Variants in RAB44 observed in about 807,000 individuals in gnomAD.
RAB44 encodes RAB44, member RAS oncogene family, also known as ras-related protein Rab-44.
Under a neutral mutation model 93.3 loss-of-function variants are expected in RAB44, and 67 were observed. The ratio of observed to expected loss-of-function variants is 0.72; its 90% CI spans 0.59 to 0.88. The LOEUF is 0.88. RAB44 is among the 40% of genes least tolerant of loss of function. The pLI is 0.00. For synonymous variants in RAB44, 427 were observed against 520.3 expected, an observed-to-expected ratio of 0.82 and a Z score of 2.44; for missense variants, 1,064 against 1,261.7, an observed-to-expected ratio of 0.84 and a Z score of 2.37.
Position 36,717,238 on chromosome 6 carries a change from G to T in RAB44, c.495-35G>T. ...TGCTTCTCCATCCCACCTTGTGTCTGACCCTCCCATCTCTGGCTGTCTTCC... is the reference window on the plus strand; with the variant it reads ...TGCTTCTCCATCCCACCTTGTGTCTTACCCTCCCATCTCTGGCTGTCTTCC... On this transcript the variant is annotated intron_variant, in intron 4 of 13. Coordinates refer to ENST00000612677, the MANE Select transcript of RAB44 (RefSeq NM_001257357.2). The surrounding 1 kb of genome is among the most constrained non-coding windows in gnomAD (Gnocchi z 4.1). 1.6e-6 allele frequency: 2 copies of T among 1,232,012 alleles called. No homozygotes were observed. The highest frequency in any genetic ancestry group is 8.3e-5 in the South Asian group (2 of 24,224). The allele number at this position is 1,232,012 out of a possible 1,614,324, so 76.3% of individuals were successfully genotyped here.
intron 1 of RAB44, among the ~76,000 whole-genome samples, chr6:36,703,879 C>T (rs765294475): frequency 2.6e-5 from 4 of 152,088 alleles, no homozygotes; most frequent in African/African-American, 4.8e-5. Context: ...GGTCAAAACA[C>T]GAGATAGATT....
Position 36,721,508 on chromosome 6 carries a change from G to A in RAB44, c.1374G>A (p.Glu458=), listed in dbSNP as rs899266414. 3 of 1,234,434 alleles carry A rather than the reference G, an allele frequency of 2.4e-6. No individual in the cohort carries two copies. The highest frequency in any genetic ancestry group is 4.2e-5 in the Admixed American group (1 of 23,708). 76.5% of individuals were successfully genotyped at this position (1,234,434 alleles called of 1,614,324 possible). ...CACATGAGCAGGACATTAGAGCAGA[G>A]CAGCCTGTTGAACCGCACGACCCGG... ...VDPHEQDIRA[E]QPVEPHDPDP... is the part of the protein sequence containing the mutation. The change falls in exon 9 of 14, where the codon GAG becomes GAA. Residue 458 remains glutamate (E), a synonymous_variant. Coordinates refer to ENST00000612677, the MANE Select transcript of RAB44 (RefSeq NM_001257357.2).
At chr6:36,725,993 G>A (rs1188143241) in intron 10 of RAB44, 50 bp downstream of exon 10, 2 of 1,384,012 alleles carry the variant, frequency 1.4e-6, no homozygotes, top group Non-Finnish European at 2.0e-6. Flanking sequence ...TGAGCGTAGG[G>A]GTGCAGAGGG....
At chr6:36,728,204 G>A (rs539164474) in intron 11 of RAB44, among the ~76,000 whole-genome samples, 20 of 152,294 alleles carry the variant, frequency 1.3e-4, no homozygotes, top group Admixed American at 1.0e-3. Flanking sequence ...GGGTCTGACA[G>A]GACCTACATT....
chr6:36,721,784 G>T lies in RAB44; in HGVS notation c.1650G>T (p.Gln550His). The change falls in exon 9 of 14, where the codon CAG becomes CAT. Residue 550 changes from glutamine (Q) to histidine (H), a missense_variant. By Grantham distance (24) the Gln-to-His change is conservative (BLOSUM62 0). Transcript: ENST00000612677. ...GAQPGAGAGP[Q>H]EPTQTPPTMT... ...AGCCTGGGGCTGGAGCAGGACCCCAGGAACCCACACAAACCCCTCCCACCA... is the reference window on the plus strand; with the variant it reads ...AGCCTGGGGCTGGAGCAGGACCCCATGAACCCACACAAACCCCTCCCACCA... 8.1e-7 allele frequency: 1 copy of T among 1,234,532 alleles called. No individual in the cohort carries two copies. Among genetic ancestry groups the T allele is most frequent in the Non-Finnish European group, 1.0e-6 (1 of 988,370 alleles). The allele number at this position is 1,234,532 out of a possible 1,614,324, so 76.5% of individuals were successfully genotyped here. A position where few individuals can be genotyped will look rare whatever the true frequency, so the allele number is the denominator to read the frequency against.
chr6:36,728,495 T>A (rs1477460255), intron 11 of RAB44, among the ~76,000 whole-genome samples: 1 of 151,906 alleles, frequency 6.6e-6, no homozygotes, highest in Non-Finnish European at 1.5e-5. Flanking sequence ...GGGGAGGTGT[T>A]CTTAAGGTTG....
At chr6:36,730,357 A>G (rs1376880389) in intron 12 of RAB44, among the ~76,000 whole-genome samples, 1 of 152,218 alleles carries the variant, frequency 6.6e-6, no homozygotes, top group East Asian at 1.9e-4. Flanking sequence ...TAAAAAACAT[A>G]ACTAACATTT....
chr6:36,707,563 AAG>A (rs71655046), intron 2 of RAB44, among the ~76,000 whole-genome samples: 14,317 of 152,160 alleles, frequency 0.094, 852 homozygotes, highest in South Asian at 0.19. Context: ...GATCTTGGGT[AAG>A]CTGTCTGCTT....
At position 36,728,792 on chromosome 6, in the gene RAB44, A is replaced by G. The variant is rs1397976759; in HGVS notation, c.2889A>G (p.Gln963=). The change falls in exon 12 of 14, where the codon CAA becomes CAG. Residue 963 remains glutamine (Q), a synonymous_variant. Coordinates refer to ENST00000612677, the MANE Select transcript of RAB44 (RefSeq NM_001257357.2). The part of the protein sequence containing the change: ...ERQVSVEAGQ[Q]LAQELGVYFG... ...AAGTGTCCGTGGAAGCTGGGCAGCA[A>G]CTGGCCCAGGTAAGCACTTGGGCAT... 8 of 1,550,322 alleles carry G rather than the reference A, an allele frequency of 5.2e-6. No individual in the cohort carries two copies. The Admixed American group carries it at 1.6e-4, about 30-fold the overall frequency.
Position 36,721,442 on chromosome 6 carries a change from TG to T in RAB44, c.1312del (p.Val438Ter). 1 of 1,234,310 alleles carries T rather than the reference TG, an allele frequency of 8.1e-7. No homozygotes were observed. Among genetic ancestry groups the T allele is most frequent in the Non-Finnish European group, 1.0e-6 (1 of 988,244 alleles). 76.5% of individuals were successfully genotyped at this position (1,234,310 alleles called of 1,614,324 possible). Reference protein sequence around the residue: ...DPDGAPRTPPGVTFSAKDNKG... With the variant: ...DPDGAPRTPPXVTFSAKDNKG... The stretch of plus-strand genomic sequence containing the variant: ...CAGATGGGGCTCCAAGGACCCCACC[TG>T]GGGTGACTTTCAGCGCCAAGGACAA... On this transcript the variant is annotated frameshift_variant, in exon 9 of 14. Transcript: ENST00000612677. LOFTEE classifies it high-confidence loss of function.
chr6:36,718,296 C>T (rs1439900968), intron 6 of RAB44, among the ~76,000 whole-genome samples, 178 bp downstream of exon 6: 1 of 152,210 alleles, frequency 6.6e-6, no homozygotes, highest in Non-Finnish European at 1.5e-5. Context: ...CGAGCCTGGG[C>T]CCCCTTCCCA....
At position 36,728,057 on chromosome 6, in the gene RAB44, T is replaced by C. The variant is rs9394379; in HGVS notation, c.2796+366T>C. Among the ~76,000 whole-genome samples the C allele has an allele frequency of 2.6e-5, 4 of 152,318 alleles. No individual in the cohort carries two copies. The East Asian group carries it at 7.7e-4, about 29-fold the overall frequency. On this transcript the variant is annotated intron_variant, in intron 11 of 13. Coordinates refer to ENST00000612677, the MANE Select transcript of RAB44 (RefSeq NM_001257357.2). ...TTCCCCTGCTTACTTCCTCAAAGCA[T>C]ATATACTGAAATTCTGCAGTGTGTA...
chr6:36,704,354 G>T lies in RAB44; in HGVS notation c.119G>T (p.Trp40Leu). ...GCAGTGGCCCCAGAGCCAGAGTCTT[G>T]GTCCTCTCAGGCAGCGGCAGAACTG... The part of the protein sequence containing the change: ...GAAVAPEPES[W>L]SSQAAAELQA... Residue 40 changes from tryptophan to leucine, a missense_variant, in exon 2 of 14, where the codon TGG becomes TTG. By Grantham distance (61) the Trp-to-Leu change is moderately conservative. Coordinates refer to ENST00000612677, the MANE Select transcript of RAB44 (RefSeq NM_001257357.2). The T allele has an allele frequency of 6.5e-7, 1 of 1,536,112 alleles. No individual in the cohort carries two copies. Among genetic ancestry groups the T allele is most frequent in the Non-Finnish European group, 8.7e-7 (1 of 1,146,906 alleles).
chr6:36,730,854 T>A (rs1373855821), intron 13 of RAB44, 105 bp downstream of exon 13: 10 of 496,634 alleles, frequency 2.0e-5, no homozygotes, highest in Non-Finnish European at 2.7e-5. Flanking sequence ...GAAGGCCCAT[T>A]CTGAGGAAAT....
chr6:36,724,662 AACCAACCAACCAACC>A (rs1763189259), intron 9 of RAB44, among the ~76,000 whole-genome samples: 2 of 151,314 alleles, frequency 1.3e-5, no homozygotes, highest in Non-Finnish European at 2.9e-5. Flanking sequence ...TCAACCAACC[AACCAACCAACCAACC>A]AACCAACCAA....
In RAB44 at chr6:36,727,606, G is replaced by A. The variant is rs771415718; in HGVS notation, c.2711G>A (p.Arg904His). Reference sequence around the variant, plus strand: ...CACAGTATGACGCGACAGCTGCTCCGCAAGGCTGACGGGGTGGTGCTCATG... The same window carrying A: ...CACAGTATGACGCGACAGCTGCTCCACAAGGCTGACGGGGTGGTGCTCATG... Reference protein sequence around the residue: ...RYHSMTRQLLRKADGVVLMYD... With the variant: ...RYHSMTRQLLHKADGVVLMYD... The change falls in exon 11 of 14, where the codon CGC becomes CAC. Residue 904 changes from arginine to histidine, a missense_variant. Physicochemically the swap from Arg to His is conservative, Grantham distance 29. Coordinates refer to ENST00000612677, the MANE Select transcript of RAB44 (RefSeq NM_001257357.2). 55 of 1,550,416 alleles carry A rather than the reference G, an allele frequency of 3.5e-5. No individual in the cohort carries two copies. The highest frequency in any genetic ancestry group is 4.5e-5 in the Non-Finnish European group (52 of 1,146,972).
In RAB44 at chr6:36,717,211, CT is replaced by C; in HGVS notation, c.495-60del. 4 of 1,229,170 alleles carry C rather than the reference CT, an allele frequency of 3.3e-6. No individual in the cohort carries two copies. Among genetic ancestry groups the C allele is most frequent in the Non-Finnish European group, 4.1e-6 (4 of 985,650 alleles). 76.1% of individuals were successfully genotyped at this position (1,229,170 alleles called of 1,614,324 possible). On this transcript the variant is annotated intron_variant, in intron 4 of 13. Coordinates refer to ENST00000612677, the MANE Select transcript of RAB44 (RefSeq NM_001257357.2). The surrounding 1 kb of genome is among the most constrained non-coding windows in gnomAD (Gnocchi z 4.1). ...GTGAAAACTGAGGAGTGGGGCTCCC[CT>C]TGCTTCTCCATCCCACCTTGTGTCT...
chr6:36,710,239 T>G (rs2150328776), intron 2 of RAB44, among the ~76,000 whole-genome samples: 1 of 152,326 alleles, frequency 6.6e-6, no homozygotes, highest in South Asian at 2.1e-4. Flanking sequence ...ATCCCTAGTC[T>G]ACTTTCTGTC....
At position 36,717,739 on chromosome 6, in the gene RAB44, A is replaced by AGAGGGGACTGAGTGATGGGGTG. The variant is rs67871203; in HGVS notation, c.642-288_642-287insAGGGGACTGAGTGATGGGGTGG. On this transcript the variant is annotated intron_variant, in intron 5 of 13. Coordinates refer to ENST00000612677, the MANE Select transcript of RAB44 (RefSeq NM_001257357.2). This position sits in a 1 kb window ranked among gnomAD's most constrained non-coding sequence, Gnocchi z 4.1. ...AGGGCAGGAGGACGGTGAAAGAGGG[A>AGAGGGGACTGAGTGATGGGGTG]GTGGGGACTGAGTGATGGGGTGATG... Among the ~76,000 whole-genome samples, 1 of 149,738 alleles carries AGAGGGGACTGAGTGATGGGGTG rather than the reference A, an allele frequency of 6.7e-6. No homozygotes were observed. Among genetic ancestry groups the AGAGGGGACTGAGTGATGGGGTG allele is most frequent in the Non-Finnish European group, 1.5e-5 (1 of 67,212 alleles).
Sources: gnomAD v4.1 joint callset for allele counts (sites outside exome capture counted in the v4.1 genomes callset) on GRCh38, gnomAD v4.1.1 for gene constraint, Gnocchi (gnomAD v3.1) non-coding constraint, MANE v1.5 for transcripts, NCBI Gene and HGNC (gene_info 2026-07-23, HGNC 2026-07-21) for gene names.